MYLK2: variants seen among roughly 807,000 people sequenced by gnomAD.
The protein encoded by MYLK2 is myosin light chain kinase 2.
MYLK2 carries 27 observed loss-of-function variants against 58.2 expected under a neutral mutation model. That is an observed-to-expected ratio of 0.46 (90% CI 0.34 to 0.64). MYLK2 has a LOEUF of 0.64. Ranked by LOEUF, MYLK2 falls within the 30% of genes least tolerant of loss-of-function variation. The pLI is 0.01. For missense variants in MYLK2, 676 were observed against 764.3 expected, an observed-to-expected ratio of 0.88 and a Z score of 1.36; for synonymous variants, 310 against 296.7, an observed-to-expected ratio of 1.04 and a Z score of -0.46.
Position 31,829,177 on chromosome 20 carries a change from A to G in MYLK2, c.1225-1642A>G, listed in dbSNP as rs375820359. 9.8e-5 allele frequency among the ~76,000 whole-genome samples: 15 copies of G among 152,316 alleles called. No homozygotes were observed. In the East Asian group the frequency reaches 2.9e-3, roughly 29 times the overall value. Reference sequence around the variant, plus strand: ...TGGGGCAGAATAGGGTCCCCCAATTAAAATGCAGTGCTCTGGGAAGAAGCT... The same window carrying G: ...TGGGGCAGAATAGGGTCCCCCAATTGAAATGCAGTGCTCTGGGAAGAAGCT... On this transcript the variant is annotated intron_variant, in intron 8 of 12. Coordinates refer to ENST00000375985, the MANE Select transcript of MYLK2 (RefSeq NM_033118.4).
At chr20:31,823,914 C>T (rs1021297359) in intron 5 of MYLK2, 2 of 984,234 alleles carry the variant, frequency 2.0e-6, no homozygotes, top group East Asian at 1.1e-4. Context: ...CAGTCTTATA[C>T]CTCTGCAGAT....
At chr20:31,828,326 C>G (rs2062290278) in intron 8 of MYLK2, 1 of 985,268 alleles carries the variant, frequency 1.0e-6, no homozygotes, top group African/African-American at 1.7e-5. Flanking sequence ...GGTGTTAATG[C>G]TGTGCGTTAA....
chr20:31,821,427 C>T lies in MYLK2; in HGVS notation c.474-12C>T. Reference sequence around the variant, plus strand: ...CCGCTGAGGGCTTCACCTCTGTGTTCTCACCTTCTAGTTCTGAGAAGCTGC... The same window carrying T: ...CCGCTGAGGGCTTCACCTCTGTGTTTTCACCTTCTAGTTCTGAGAAGCTGC... On this transcript the variant is annotated splice_polypyrimidine_tract_variant and intron_variant, in intron 3 of 12. Coordinates refer to ENST00000375985, the MANE Select transcript of MYLK2 (RefSeq NM_033118.4). 2 of 1,612,864 alleles carry T rather than the reference C, an allele frequency of 1.2e-6. No individual in the cohort carries two copies. Among genetic ancestry groups the T allele is most frequent in the Admixed American group, 1.7e-5 (1 of 60,030 alleles).
intron 8 of MYLK2, among the ~76,000 whole-genome samples, 162 bp from the exon 9 acceptor site, chr20:31,830,657 T>C (rs1166622141): frequency 6.6e-6 from 1 of 152,150 alleles, no homozygotes; most frequent in African/African-American, 2.4e-5. Context: ...TGCCTCAAGA[T>C]CTCTCTGTGC....
chr20:31,824,282 C>A lies in MYLK2; in HGVS notation c.902C>A (p.Thr301Asn), dbSNP rs587782968. The change falls in exon 6 of 13, where the codon ACC (threonine) becomes AAC (asparagine). Residue 301 changes from threonine (T) to asparagine (N), a missense_variant. By Grantham distance (65) the Thr-to-Asn change is moderately conservative. Coordinates refer to ENST00000375985, the MANE Select transcript of MYLK2 (RefSeq NM_033118.4). ...LGGGKFGAVC[T>N]CMEKATGLKL... ...AGTGGCAAGTTTGGGGCAGTCTGTA[C>A]CTGCATGGAGAAAGCCACAGGCCTC... The A allele has an allele frequency of 1.3e-4, 204 of 1,613,598 alleles. No individual in the cohort carries two copies. The highest frequency in any genetic ancestry group is 1.2e-5 in the Non-Finnish European group (14 of 1,179,854).
At position 31,832,058 on chromosome 20, in the gene MYLK2, G is replaced by A. The variant is rs772321212; in HGVS notation, c.1632G>A (p.Ala544=). 20 of 1,606,872 alleles carry A rather than the reference G, an allele frequency of 1.2e-5. No homozygotes were observed. The highest frequency in any genetic ancestry group is 1.6e-4 in the Middle Eastern group (1 of 6,074). ...CLAHPWLNNL[A]EKAKRCNRRL... ...CCCATCCCTGGCTCAACAACCTGGCGGAGAAAGCCAAACGCTGTAACCGAC... is the reference window on the plus strand; with the variant it reads ...CCCATCCCTGGCTCAACAACCTGGCAGAGAAAGCCAAACGCTGTAACCGAC... Residue 544 remains alanine, a synonymous_variant, in exon 12 of 13, where the codon GCG becomes GCA. Transcript: ENST00000375985.
In MYLK2 at chr20:31,826,851, C is replaced by T. The variant is rs759608229; in HGVS notation, c.1137C>T (p.Thr379=). The T allele has an allele frequency of 2.5e-5, 41 of 1,613,938 alleles. No homozygotes were observed. Among genetic ancestry groups the T allele is most frequent in the Middle Eastern group, 1.6e-4 (1 of 6,084 alleles). ...ERIVDEDYHL[T]EVDTMVFVRQ... is the part of the protein sequence containing the mutation. ...TTGTGGATGAGGACTACCATCTGAC[C>T]GAGGTGGACACCATGGTGTTTGTCA... The change falls in exon 8 of 13, where the codon ACC becomes ACT. Residue 379 remains threonine (T), a synonymous_variant. Coordinates refer to ENST00000375985, the MANE Select transcript of MYLK2 (RefSeq NM_033118.4).
At chr20:31,828,363 G>A (rs537739058) in intron 8 of MYLK2, 1 of 985,376 alleles carries the variant, frequency 1.0e-6, no homozygotes, top group African/African-American at 1.7e-5. Context: ...TCTTAATGTG[G>A]AGGCGCGTGA....
At chr20:31,827,290 C>T (rs1390460024) in intron 8 of MYLK2, 2 of 985,378 alleles carry the variant, frequency 2.0e-6, no homozygotes, top group Non-Finnish European at 1.2e-6. Context: ...CCTGCCTCAG[C>T]CTTGGCCCAT....
intron 3 of MYLK2, among the ~76,000 whole-genome samples, chr20:31,821,174 C>A (rs1366539658): frequency 2.0e-5 from 3 of 152,184 alleles, no homozygotes; most frequent in Non-Finnish European, 4.4e-5. Flanking sequence ...GAATCAAGAG[C>A]TACATAACTC....
At position 31,834,172 on chromosome 20, in the gene MYLK2, T is replaced by G. The variant is rs1392714654; in HGVS notation, c.*375T>G. 2.6e-5 allele frequency: 7 copies of G among 266,580 alleles called. No homozygotes were observed. The highest frequency in any genetic ancestry group is 5.2e-5 in the Non-Finnish European group (7 of 134,078). 16.5% of individuals were successfully genotyped at this position (266,580 alleles called of 1,614,324 possible). On this transcript the variant is annotated 3_prime_UTR_variant, in exon 13 of 13. Transcript: ENST00000375985. ...ACTGGGAGAGTCCTTAGCCTGGGCC[T>G]CCTCCTAGCTGGAGTGCCATGGCTG...
intron 6 of MYLK2, among the ~76,000 whole-genome samples, chr20:31,825,381 G>C (rs2062273689): frequency 1.3e-5 from 2 of 152,226 alleles, no homozygotes; most frequent in African/African-American, 4.8e-5. Flanking sequence ...ACTGGGGCCA[G>C]TTTTCAGTTG....
At position 31,826,458 on chromosome 20, in the gene MYLK2, G is replaced by A. The variant is rs1468047785; in HGVS notation, c.973-147G>A. 6 of 1,071,078 alleles carry A rather than the reference G, an allele frequency of 5.6e-6. No individual in the cohort carries two copies. In the South Asian group the frequency reaches 8.2e-5, roughly 15 times the overall value. 66.3% of individuals were successfully genotyped at this position (1,071,078 alleles called of 1,614,324 possible). ...TGGGAGTGGTGAGGACCACAGATGTGGGGGTGGGGGAGAGAGGAGAGGCAA... is the reference window on the plus strand; with the variant it reads ...TGGGAGTGGTGAGGACCACAGATGTAGGGGTGGGGGAGAGAGGAGAGGCAA... On this transcript the variant is annotated intron_variant, in intron 6 of 12. Transcript: ENST00000375985.
In MYLK2 at chr20:31,820,143, C is replaced by A. The variant is rs1353758643; in HGVS notation, c.70C>A (p.Pro24Thr). 6.2e-7 allele frequency: 1 copy of A among 1,613,880 alleles called. No homozygotes were observed. Among genetic ancestry groups the A allele is most frequent in the Non-Finnish European group, 8.5e-7 (1 of 1,180,010 alleles). ...CTCTGCAGACAAGGCACCTAAAGGTCCCACAGGTGAAAGACCCCTGGCTGC... is the reference window on the plus strand; with the variant it reads ...CTCTGCAGACAAGGCACCTAAAGGTACCACAGGTGAAAGACCCCTGGCTGC... Reference protein sequence around the residue: ...NPSTDKAPKGPTGERPLAAGK... With the variant: ...NPSTDKAPKGTTGERPLAAGK... Residue 24 changes from proline (P) to threonine (T), a missense_variant, in exon 3 of 13, where the codon CCC becomes ACC. Around this residue, in one of 2 missense-constraint regions of MYLK2, gnomAD observed 306 missense variants for 296.5 expected, o/e 1.03. Coordinates refer to ENST00000375985, the MANE Select transcript of MYLK2 (RefSeq NM_033118.4).
intron 12 of MYLK2, among the ~76,000 whole-genome samples, chr20:31,832,421 A>G (rs1172285397): frequency 6.6e-6 from 1 of 152,210 alleles, no homozygotes. Context: ...GCATTGGGAT[A>G]TAGGAGTGGA....
At chr20:31,826,223 G>A (rs1417582677) in intron 6 of MYLK2, among the ~76,000 whole-genome samples, 1 of 152,138 alleles carries the variant, frequency 6.6e-6, no homozygotes, top group Non-Finnish European at 1.5e-5. Flanking sequence ...TGGAGATATT[G>A]GAGTCTAGAA....
At chr20:31,833,412 G>A (rs940260701) in intron 12 of MYLK2, among the ~76,000 whole-genome samples, 3 of 152,148 alleles carry the variant, frequency 2.0e-5, no homozygotes, top group African/African-American at 4.8e-5. Flanking sequence ...AGGAAGAGGG[G>A]GACAGGAGTT....
rs1445510948 is a variant in MYLK2, at chr20:31,833,720, A to C, written c.1714A>C (p.Asn572His). The C allele has an allele frequency of 6.2e-7, 1 of 1,613,798 alleles. No individual in the cohort carries two copies. ...CTCCCTCTCTTCTGCCCTCTAGAAA[A>C]ACTTCATTGCTGTCAGCGCTGCCAA... ...KYLMKRRWKK[N>H]FIAVSAANRF... Residue 572 changes from asparagine to histidine, a missense_variant, in exon 13 of 13, where the codon AAC (asparagine) becomes CAC (histidine). This residue lies in a region of MYLK2 where 370 missense variants were observed against 467.8 expected (regional missense o/e 0.79). Transcript: ENST00000375985.
At position 31,823,457 on chromosome 20, in the gene MYLK2, G is replaced by A. The variant is rs773362928; in HGVS notation, c.773-20G>A. On this transcript the variant is annotated intron_variant, in intron 4 of 12. Transcript: ENST00000375985. ...AGCAGCCCCTGGCACTGACCATGAG[G>A]GCTGTGCTCTGTCCCCCAGATGATT... The A allele has an allele frequency of 3.1e-6, 5 of 1,606,170 alleles. No homozygotes were observed. Among genetic ancestry groups the A allele is most frequent in the Non-Finnish European group, 2.6e-6 (3 of 1,175,774 alleles).
Sources: gnomAD v4.1 joint callset for allele counts (sites outside exome capture counted in the v4.1 genomes callset) on GRCh38, gnomAD v4.1.1 for gene constraint, gnomAD v4.1.1 regional missense constraint, MANE v1.5 for transcripts, NCBI Gene and HGNC (gene_info 2026-07-23, HGNC 2026-07-21) for gene names.